Variants in SNX27 observed in about 807,000 individuals in gnomAD.
The protein encoded by SNX27 is sorting nexin 27.
A neutral mutation model predicts 71.6 loss-of-function variants in SNX27; 22 were observed. That is an observed-to-expected ratio of 0.31 (90% CI 0.22 to 0.44). The LOEUF (loss-of-function observed/expected upper bound fraction) is 0.44, where lower values mean the gene tolerates loss of function less well. Among genes scored for constraint, SNX27 ranks in the 20% least tolerant of loss-of-function variants. The pLI is 1.00. For missense variants in SNX27, 531 were observed against 698.6 expected, an observed-to-expected ratio of 0.76 and a Z score of 2.70; for synonymous variants, 269 against 277.2, an observed-to-expected ratio of 0.97 and a Z score of 0.29.
chr1:151,658,816 C>A (rs1426708894), intron 3 of SNX27, among the ~76,000 whole-genome samples: 1 of 151,400 alleles, frequency 6.6e-6, no homozygotes, highest in African/African-American at 2.4e-5. Context: ...TCCTGAGTAG[C>A]TGGGACTATA....
rs61159507 is a variant in SNX27, at chr1:151,692,406, CTTTTTTTTTT to C, written c.1240-12_1240-3del. 2.1e-4 allele frequency: 177 copies of C among 854,606 alleles called. 1 individual carries two copies. The South Asian group carries it at 2.8e-3, about 13-fold the overall frequency. The allele number at this position is 854,606 out of a possible 1,614,324, so 52.9% of individuals were successfully genotyped here. On this transcript the variant is annotated intron_variant, in intron 8 of 11. Coordinates refer to ENST00000458013, the MANE Select transcript of SNX27 (RefSeq NM_001330723.2). ...TAACCCTGTTTCCTGTTTCTCCTTC[CTTTTTTTTTT>C]TTTTTTTTTTTTTTTTAGTACCTCA...
intron 2 of SNX27, among the ~76,000 whole-genome samples, chr1:151,644,336 C>T (rs1376238233): frequency 6.6e-6 from 1 of 152,162 alleles, no homozygotes; most frequent in Non-Finnish European, 1.5e-5. Context: ...CTAATCTATC[C>T]TCTGTCTTAT....
At chr1:151,664,039 T>G (rs1341772755) in intron 5 of SNX27, among the ~76,000 whole-genome samples, 1 of 150,404 alleles carries the variant, frequency 6.6e-6, no homozygotes, top group Admixed American at 6.6e-5. Flanking sequence ...AAAGACAGGA[T>G]ACATATTTAA....
Position 151,696,131 on chromosome 1 carries a change from A to G in SNX27, c.*1714A>G, listed in dbSNP as rs1257874126. 2 of 152,240 alleles carry G rather than the reference A, an allele frequency of 1.3e-5. No individual in the cohort carries two copies. The highest frequency in any genetic ancestry group is 1.3e-4 in the Admixed American group (2 of 15,290). The allele number at this position is 152,240 out of a possible 1,614,324, so 9.4% of individuals were successfully genotyped here. On this transcript the variant is annotated 3_prime_UTR_variant, in exon 12 of 12. Transcript: ENST00000458013. ...TGTCCGTTAAAGAGCTCCTCATCTG[A>G]TCTTGCAGCTAGACCCTTTGAGACT...
At chr1:151,632,477 A>G (rs1269882759) in intron 1 of SNX27, among the ~76,000 whole-genome samples, 3 of 152,144 alleles carry the variant, frequency 2.0e-5, no homozygotes, top group South Asian at 2.1e-4. Flanking sequence ...GTTTTTAACT[A>G]TACTAGGTTT....
At chr1:151,664,877 A>C (rs1670119145) in intron 5 of SNX27, among the ~76,000 whole-genome samples, 1 of 151,822 alleles carries the variant, frequency 6.6e-6, no homozygotes, top group South Asian at 2.1e-4. Context: ...TTTCCTCCCA[A>C]CTCTGTTACT....
In SNX27 at chr1:151,639,113, G is replaced by A. The variant is rs1464555295; in HGVS notation, c.537G>A (p.Lys179=). ...AACATGTGGAGCAGAATGGTGAGAAGTTTGTGGTGAGTGTCAGCCCAACTC... is the reference window on the plus strand; with the variant it reads ...AACATGTGGAGCAGAATGGTGAGAAATTTGTGGTGAGTGTCAGCCCAACTC... The part of the protein sequence containing the change: ...RYKHVEQNGE[K]FVVYNVYMAG... The change falls in exon 2 of 12, where the codon AAG becomes AAA. Residue 179 remains lysine, a synonymous_variant. Transcript: ENST00000458013. 6.2e-7 allele frequency: 1 copy of A among 1,613,008 alleles called. No homozygotes were observed.
At chr1:151,652,059 C>T (rs1222246551) in intron 2 of SNX27, among the ~76,000 whole-genome samples, 6 of 152,106 alleles carry the variant, frequency 3.9e-5, no homozygotes, top group Non-Finnish European at 7.4e-5. Flanking sequence ...GGTGTGGCGG[C>T]GCGAGCCTGC....
At chr1:151,646,070 T>TAA (rs1299451603) in intron 2 of SNX27, among the ~76,000 whole-genome samples, 1 of 152,182 alleles carries the variant, frequency 6.6e-6, no homozygotes, top group Non-Finnish European at 1.5e-5. Context: ...TCTCTTTATA[T>TAA]AAGTCTCTAT....
chr1:151,652,406 T>C (rs1669454337), intron 2 of SNX27, among the ~76,000 whole-genome samples: 1 of 147,484 alleles, frequency 6.8e-6, no homozygotes, highest in Non-Finnish European at 1.5e-5. Flanking sequence ...ACCACGCCTT[T>C]TTTTTTTTTT....
In SNX27 at chr1:151,689,212, T is replaced by G. The variant is rs138867396; in HGVS notation, c.1240-3223T>G. 1.9e-3 allele frequency among the ~76,000 whole-genome samples: 294 copies of G among 152,302 alleles called. 2 individuals are homozygous for G. The highest frequency in any genetic ancestry group is 6.6e-3 in the African/African-American group (275 of 41,564). On this transcript the variant is annotated intron_variant, in intron 8 of 11. Coordinates refer to ENST00000458013, the MANE Select transcript of SNX27 (RefSeq NM_001330723.2). ...AACCCTGCAGGTATTATTCTTACTT[T>G]ACAGAGAAGTGAAGTCTGAGAGATT...
At chr1:151,613,374 C>A (rs1667282401) in intron 1 of SNX27, 1 of 152,548 alleles carries the variant, frequency 6.6e-6, no homozygotes. Flanking sequence ...CTCATGCCTC[C>A]TCCTAGTCAG....
chr1:151,613,354 C>T (rs1667281306), intron 1 of SNX27: 1 of 152,692 alleles, frequency 6.5e-6, no homozygotes, highest in Admixed American at 6.5e-5. Context: ...GCCTTCACTC[C>T]TGCTCTATAC....
At chr1:151,673,328 ATAT>A (rs1670526272) in intron 7 of SNX27, among the ~76,000 whole-genome samples, 1 of 151,922 alleles carries the variant, frequency 6.6e-6, no homozygotes, top group Non-Finnish European at 1.5e-5. Context: ...CAGATACTTG[ATAT>A]TATTATAATA....
chr1:151,643,810 G>A lies in SNX27; in HGVS notation c.543+4691G>A, dbSNP rs529334565. Among the ~76,000 whole-genome samples, 7 of 152,066 alleles carry A rather than the reference G, an allele frequency of 4.6e-5. No individual in the cohort carries two copies. The South Asian group carries it at 1.0e-3, about 23-fold the overall frequency. Reference sequence around the variant, plus strand: ...CGAGTAGTTGTGATTACAGGCATGTGCCAGCACGCTCGGCTAATTTTGTAT... The same window carrying A: ...CGAGTAGTTGTGATTACAGGCATGTACCAGCACGCTCGGCTAATTTTGTAT... On this transcript the variant is annotated intron_variant, in intron 2 of 11. Transcript: ENST00000458013.
intron 1 of SNX27, among the ~76,000 whole-genome samples, chr1:151,619,178 A>G (rs1315051671): frequency 1.3e-5 from 2 of 152,014 alleles, no homozygotes; most frequent in African/African-American, 4.8e-5. Flanking sequence ...TCATCTCTGC[A>G]AAAAATACAA....
chr1:151,636,583 G>A (rs2102628424), intron 1 of SNX27, among the ~76,000 whole-genome samples: 1 of 151,116 alleles, frequency 6.6e-6, no homozygotes, highest in Middle Eastern at 3.4e-3. Context: ...GGGATTACAG[G>A]TGTGAGCCAC....
At position 151,696,522 on chromosome 1, in the gene SNX27, G is replaced by GTTCTTTCGTTCTTTCTTTCT. The variant is rs1553267186; in HGVS notation, c.*2112_*2113insGTTCTTTCTTTCTTTCTTTC. 77 of 102,376 alleles carry GTTCTTTCGTTCTTTCTTTCT rather than the reference G, an allele frequency of 7.5e-4. No individual in the cohort carries two copies. The highest frequency in any genetic ancestry group is 2.0e-3 in the South Asian group (7 of 3,486). 6.3% of individuals were successfully genotyped at this position (102,376 alleles called of 1,614,324 possible). On this transcript the variant is annotated 3_prime_UTR_variant, in exon 12 of 12. Transcript: ENST00000458013. ...CTTTCTTTCGTTCTTTCGTTCTTTC[G>GTTCTTTCGTTCTTTCTTTCT]TTCTTTCTTTCTTTCTTTCTTTCTC... is the stretch of plus-strand genomic sequence containing the variant.
chr1:151,622,780 G>C (rs1667733141), intron 1 of SNX27, among the ~76,000 whole-genome samples: 1 of 151,984 alleles, frequency 6.6e-6, no homozygotes, highest in Admixed American at 6.6e-5. Context: ...ATGGCTATTA[G>C]CAACTTTCTT....
Sources: gnomAD v4.1 joint callset for allele counts (sites outside exome capture counted in the v4.1 genomes callset) on GRCh38, gnomAD v4.1.1 for gene constraint, MANE v1.5 for transcripts, NCBI Gene and HGNC (gene_info 2026-07-23, HGNC 2026-07-21) for gene names.